The following IFFO1 variants were observed in gnomAD, a reference collection of about 807,000 sequenced individuals.
IFFO1 encodes intermediate filament family orphan 1.
In IFFO1, 42 loss-of-function variants were observed where a neutral mutation model predicts 59.6. The observed-to-expected ratio is 0.70, with a 90% CI of 0.55 to 0.91. The LOEUF (loss-of-function observed/expected upper bound fraction) is 0.91. Ranked by LOEUF, IFFO1 falls within the 40% of genes least tolerant of loss-of-function variation. IFFO1 has a pLI of 0.00. For missense variants in IFFO1, 711 were observed against 793.2 expected (o/e 0.90, Z 1.24); for synonymous variants, 336 against 342.8 (o/e 0.98, Z 0.22).
intron 8 of IFFO1, among the ~76,000 whole-genome samples, chr12:6,545,646 C>T (rs984157777): frequency 6.7e-6 from 1 of 149,484 alleles, no homozygotes; most frequent in Admixed American, 6.8e-5. Context: ...TGCAGTGAGC[C>T]GAGTTCAAGC....
At position 6,540,019 on chromosome 12, in the gene IFFO1, G is replaced by A. The variant is rs1303833488; in HGVS notation, c.*464C>T. 5.2e-6 allele frequency: 1 copy of A among 192,008 alleles called. No individual in the cohort carries two copies. Among genetic ancestry groups the A allele is most frequent in the African/African-American group, 2.4e-5 (1 of 41,914 alleles). 11.9% of individuals were successfully genotyped at this position (192,008 alleles called of 1,614,324 possible). On this transcript the variant is annotated 3_prime_UTR_variant, in exon 10 of 10. Transcript: ENST00000619571. ...ACAGGGACAGAAGCCCTCTCCAGCTGCGTGTGCTGCAGAGGCCATGCGTAG... is the reference window on the plus strand; with the variant it reads ...ACAGGGACAGAAGCCCTCTCCAGCTACGTGTGCTGCAGAGGCCATGCGTAG...
intron 3 of IFFO1, chr12:6,550,406 C>T (rs1329613736): frequency 7.9e-6 from 4 of 508,102 alleles, no homozygotes; most frequent in East Asian, 3.3e-5. Flanking sequence ...GCTGAGGAAT[C>T]GGCCCAGCGC....
In IFFO1 at chr12:6,549,951, C is replaced by T. The variant is rs765406016; in HGVS notation, c.931-55G>A. The T allele has an allele frequency of 2.3e-5, 36 of 1,566,530 alleles. No homozygotes were observed. Among genetic ancestry groups the T allele is most frequent in the Admixed American group, 8.9e-5 (5 of 56,014 alleles). ...AGGCGCCCAGTTCTCCAGACAAGGACGAATTAGGCCTGGCAAGGTCCTCAT... is the reference window on the plus strand; with the variant it reads ...AGGCGCCCAGTTCTCCAGACAAGGATGAATTAGGCCTGGCAAGGTCCTCAT... On this transcript the variant is annotated intron_variant, in intron 3 of 9. Coordinates refer to ENST00000619571, the MANE Select transcript of IFFO1 (RefSeq NM_001193457.2). The surrounding 1 kb of genome is among the most constrained non-coding windows in gnomAD (Gnocchi z 5.0).
At chr12:6,546,724 C>T (rs1395737209) in intron 8 of IFFO1, among the ~76,000 whole-genome samples, 3 of 152,056 alleles carry the variant, frequency 2.0e-5, no homozygotes, top group Non-Finnish European at 4.4e-5. Flanking sequence ...CTCCTGACCT[C>T]GTGATCTTCC....
chr12:6,546,644 C>T (rs1273290101), intron 8 of IFFO1, among the ~76,000 whole-genome samples: 4 of 147,534 alleles, frequency 2.7e-5, no homozygotes, highest in Non-Finnish European at 4.6e-5. Context: ...CCACCACGGC[C>T]AGCTAATTTT....
intron 8 of IFFO1, among the ~76,000 whole-genome samples, chr12:6,545,481 G>A (rs1170467005): frequency 6.6e-6 from 1 of 152,108 alleles, no homozygotes; most frequent in Non-Finnish European, 1.5e-5. Flanking sequence ...GGATCATGAG[G>A]TCAGGAGATC....
chr12:6,539,555 T>G lies in IFFO1; in HGVS notation c.*928A>C, dbSNP rs995383213. On this transcript the variant is annotated 3_prime_UTR_variant, in exon 10 of 10. Coordinates refer to ENST00000619571, the MANE Select transcript of IFFO1 (RefSeq NM_001193457.2). ...CACAATAAATACTCGCCAGTTTCATTATTATTAAAGAATCCATTTGAATGT... is the reference window on the plus strand; with the variant it reads ...CACAATAAATACTCGCCAGTTTCATGATTATTAAAGAATCCATTTGAATGT... 6.6e-6 allele frequency: 1 copy of G among 152,136 alleles called. No individual in the cohort carries two copies. Among genetic ancestry groups the G allele is most frequent in the Non-Finnish European group, 1.5e-5 (1 of 68,028 alleles). The allele number at this position is 152,136 out of a possible 1,614,324, so 9.4% of individuals were successfully genotyped here. A position where few individuals can be genotyped will look rare whatever the true frequency, so the allele number is the denominator to read the frequency against.
chr12:6,552,919 T>C (rs963320778), intron 1 of IFFO1, among the ~76,000 whole-genome samples: 1 of 152,192 alleles, frequency 6.6e-6, no homozygotes, highest in African/African-American at 2.4e-5. Context: ...TATCCATGTG[T>C]TCTGCATGGA....
Position 6,542,097 on chromosome 12 carries a change from C to T in IFFO1, c.1480-455G>A, listed in dbSNP as rs1299583534. Among the ~76,000 whole-genome samples the T allele has an allele frequency of 2.6e-5, 4 of 152,182 alleles. No homozygotes were observed. In the East Asian group the frequency reaches 7.7e-4, roughly 29 times the overall value. On this transcript the variant is annotated intron_variant, in intron 8 of 9. Coordinates refer to ENST00000619571, the MANE Select transcript of IFFO1 (RefSeq NM_001193457.2). ...TTTCCTCATCCTGGCAGACCCAGACCTCGAAGGGAATTAACTCTCTCTGTG... is the reference window on the plus strand; with the variant it reads ...TTTCCTCATCCTGGCAGACCCAGACTTCGAAGGGAATTAACTCTCTCTGTG...
chr12:6,550,374 C>A (rs566088557), intron 3 of IFFO1: 4 of 465,450 alleles, frequency 8.6e-6, no homozygotes, highest in African/African-American at 1.9e-5. Context: ...TATTTCCCCA[C>A]GCCAAAGGTG....
At position 6,549,219 on chromosome 12, in the gene IFFO1, A is replaced by G; in HGVS notation, c.1080+257T>C. On this transcript the variant is annotated intron_variant, in intron 5 of 9. Coordinates refer to ENST00000619571, the MANE Select transcript of IFFO1 (RefSeq NM_001193457.2). This position sits in a 1 kb window ranked among gnomAD's most constrained non-coding sequence, Gnocchi z 5.0. ...AAAAAAAAAGCTTTAGGACGCAAGG[A>G]GGATGAGTGTGCAATGTGTACAAAA... 1 of 558,698 alleles carries G rather than the reference A, an allele frequency of 1.8e-6. No homozygotes were observed. The highest frequency in any genetic ancestry group is 2.9e-5 in the East Asian group (1 of 34,154). The allele number at this position is 558,698 out of a possible 1,614,324, so 34.6% of individuals were successfully genotyped here. A position where few individuals can be genotyped will look rare whatever the true frequency, so the allele number is the denominator to read the frequency against.
Position 6,547,788 on chromosome 12 carries a change from A to C in IFFO1, c.1479+277T>G, listed in dbSNP as rs556586936. 7.2e-4 allele frequency among the ~76,000 whole-genome samples: 110 copies of C among 151,824 alleles called. 1 individual carries two copies. Among genetic ancestry groups the C allele is most frequent in the Middle Eastern group, 3.4e-3 (1 of 294 alleles). On this transcript the variant is annotated intron_variant, in intron 8 of 9. Transcript: ENST00000619571. ...GGAAGGAAGGAAGGAAAGAAAGGAA[A>C]GGAAAGGAAAGGAAAGGAGGGGCTC...
At position 6,555,554 on chromosome 12, in the gene IFFO1, G is replaced by A. The variant is rs1047208083; in HGVS notation, c.476C>T (p.Pro159Leu). Residue 159 changes from proline (P) to leucine (L), a missense_variant, in exon 1 of 10, where the codon CCC (proline) becomes CTC (leucine). By Grantham distance (98) the Pro-to-Leu change is moderately conservative (BLOSUM62 -3). Coordinates refer to ENST00000619571, the MANE Select transcript of IFFO1 (RefSeq NM_001193457.2). This position sits in a 1 kb window ranked among gnomAD's most constrained non-coding sequence, Gnocchi z 8.6. ...GAGGGGGCCGGCCGGGGAGCGCGCG[G>A]GCGAGCCCAGCACGCGCGCCGAAGG... is the stretch of plus-strand genomic sequence containing the variant. ...CSPSARVLGS[P>L]ARSPAGPLAP... is the part of the protein sequence containing the mutation. 3 of 1,513,264 alleles carry A rather than the reference G, an allele frequency of 2.0e-6. No homozygotes were observed. Among genetic ancestry groups the A allele is most frequent in the Admixed American group, 2.3e-5 (1 of 43,114 alleles). The allele number at this position is 1,513,264 out of a possible 1,614,324, so 93.7% of individuals were successfully genotyped here.
intron 9 of IFFO1, among the ~76,000 whole-genome samples, chr12:6,540,825 TCACGCCTGTAATTCCAG>T (rs1946676166): frequency 6.6e-6 from 1 of 152,162 alleles, no homozygotes; most frequent in South Asian, 2.1e-4. Context: ...GCATGATGGC[TCACGCCTGTAATTCCAG>T]CACTTTGGGA....
At chr12:6,551,563 G>T in intron 1 of IFFO1, 1 of 1,003,600 alleles carries the variant, frequency 1.0e-6, no homozygotes, top group Non-Finnish European at 1.4e-6. Flanking sequence ...GACACTCAAA[G>T]TCCTTCCCCA....
At chr12:6,553,399 G>C (rs970542675) in intron 1 of IFFO1, among the ~76,000 whole-genome samples, 44 of 152,186 alleles carry the variant, frequency 2.9e-4, no homozygotes, top group African/African-American at 1.1e-3. Context: ...AACTGTGCCT[G>C]TGCCACTGCT....
chr12:6,548,630 TGGCGTC>T lies in IFFO1; in HGVS notation c.1262+32_1262+37del. The T allele has an allele frequency of 7.4e-6, 12 of 1,613,836 alleles. No individual in the cohort carries two copies. Among genetic ancestry groups the T allele is most frequent in the Non-Finnish European group, 1.0e-5 (12 of 1,179,868 alleles). ...GGAGCTCCGGCCTCCTGGGCTGCTG[TGGCGTC>T]GGTGCTGCGGGAGCACGGCCTGCGG... On this transcript the variant is annotated intron_variant, in intron 6 of 9. Transcript: ENST00000619571. This position sits in a 1 kb window ranked among gnomAD's most constrained non-coding sequence, Gnocchi z 6.1.
chr12:6,554,370 C>G (rs1436996677), intron 1 of IFFO1, among the ~76,000 whole-genome samples: 1 of 152,230 alleles, frequency 6.6e-6, no homozygotes, highest in East Asian at 1.9e-4. Context: ...TACCTCTGCT[C>G]TCACTCCTGT....
At chr12:6,550,630 A>C in intron 3 of IFFO1, 65 bp downstream of exon 3, 1 of 1,260,532 alleles carries the variant, frequency 7.9e-7, no homozygotes, top group Non-Finnish European at 1.2e-6. Flanking sequence ...CAACACTAGA[A>C]GGGCCTACTC....
Sources: allele counts gnomAD v4.1 joint callset (sites outside exome capture counted in the v4.1 genomes callset), GRCh38; gene constraint gnomAD v4.1.1; non-coding constraint Gnocchi (gnomAD v3.1); transcripts MANE v1.5; gene names NCBI Gene and HGNC (gene_info 2026-07-23, HGNC 2026-07-21).